TBC1D5: variants seen among roughly 807,000 people sequenced by gnomAD.
TBC1D5 encodes TBC1 domain family, member 5.
A neutral mutation model predicts 100.3 loss-of-function variants in TBC1D5; 75 were observed. That is an observed-to-expected ratio of 0.75 (90% CI 0.62 to 0.91). The LOEUF (loss-of-function observed/expected upper bound fraction) is 0.91. Ranked by LOEUF, TBC1D5 falls within the 40% of genes least tolerant of loss-of-function variation. The pLI is 0.00. For synonymous variants in TBC1D5, 323 were observed against 325.6 expected, an observed-to-expected ratio of 0.99 and a Z score of 0.09; for missense variants, 910 against 942.4, an observed-to-expected ratio of 0.97 and a Z score of 0.45.
rs996914712 is a variant in TBC1D5 at position 17,365,168 on chromosome 3, A to C, written c.995+6907T>G. ...TGCTTTCAGTTATTTAGACTTAATC[A>C]TATCTTACTGGTTACATTGCTTTCC... is the stretch of plus-strand genomic sequence containing the variant. On this transcript the variant is annotated intron_variant, in intron 13 of 21. Transcript: ENST00000253692. 3.3e-5 allele frequency among the ~76,000 whole-genome samples: 5 copies of C among 152,134 alleles called. No individual in the cohort carries two copies. The South Asian group carries it at 1.0e-3, about 32-fold the overall frequency.
At chr3:17,516,020 C>T (rs1475292444) in intron 2 of TBC1D5, among the ~76,000 whole-genome samples, 2 of 152,168 alleles carry the variant, frequency 1.3e-5, no homozygotes, top group African/African-American at 2.4e-5. Context: ...TGAGGGAAGG[C>T]CAGCAGCTAA....
intron 3 of TBC1D5, among the ~76,000 whole-genome samples, chr3:17,480,097 G>A (rs1028143985): frequency 7.2e-5 from 11 of 152,194 alleles, no homozygotes; most frequent in African/African-American, 2.7e-4. Context: ...GCACTATTAC[G>A]ACCCAGCTGG....
chr3:17,569,826 C>A (rs73160967), intron 2 of TBC1D5, among the ~76,000 whole-genome samples: 10,944 of 151,354 alleles, frequency 0.072, 825 homozygotes, highest in African/African-American at 0.19. Context: ...CAATAAATAT[C>A]ATTTTCATCT....
chr3:17,244,073 A>G (rs2076528783), intron 16 of TBC1D5, among the ~76,000 whole-genome samples: 1 of 151,908 alleles, frequency 6.6e-6, no homozygotes, highest in Non-Finnish European at 1.5e-5. Flanking sequence ...GAGATGAGTT[A>G]CAAAAGTTAA....
intron 1 of TBC1D5, among the ~76,000 whole-genome samples, chr3:17,724,075 C>CTTTT (rs969049204): frequency 1.5e-5 from 2 of 131,044 alleles, no homozygotes; most frequent in Admixed American, 7.7e-5. Context: ...CGATTGGCAA[C>CTTTT]TTTTTTTTTT....
At chr3:17,528,530 T>C (rs1280997389) in intron 2 of TBC1D5, among the ~76,000 whole-genome samples, 3 of 152,180 alleles carry the variant, frequency 2.0e-5, no homozygotes, top group African/African-American at 7.2e-5. Context: ...TTGTAAATTA[T>C]CCAGTCTCTG....
intron 2 of TBC1D5, among the ~76,000 whole-genome samples, chr3:17,592,960 G>A (rs907540821): frequency 3.9e-5 from 6 of 152,196 alleles, no homozygotes; most frequent in Non-Finnish European, 8.8e-5. Flanking sequence ...TGAACTGGGT[G>A]CTTTCTGACT....
At chr3:17,376,481 G>T in intron 10 of TBC1D5, 44 bp downstream of exon 10, 1 of 1,537,352 alleles carries the variant, frequency 6.5e-7, no homozygotes, top group South Asian at 1.2e-5. Context: ...GGTTACCGTG[G>T]GGGCTAAAAA....
At chr3:17,279,222 G>C (rs138520914) in intron 15 of TBC1D5, among the ~76,000 whole-genome samples, 1 of 152,258 alleles carries the variant, frequency 6.6e-6, no homozygotes, top group Admixed American at 6.5e-5. Context: ...TCGTTAGCTG[G>C]AGATATCTAG....
chr3:17,529,649 A>T (rs866759803), intron 2 of TBC1D5, among the ~76,000 whole-genome samples: 19 of 134,626 alleles, frequency 1.4e-4, no homozygotes, highest in African/African-American at 3.1e-4. Context: ...TATTATTATT[A>T]TTTTTATTTT....
exon 21 of TBC1D5, chr3:17,166,922 C>T (rs763363911): frequency 6.3e-7 from 1 of 1,597,376 alleles, no homozygotes; most frequent in Non-Finnish European, 8.5e-7. Flanking sequence ...TTTAGAATGT[C>T]TTTGATCTAT....
intron 16 of TBC1D5, 66 bp from the exon 17 acceptor site, chr3:17,238,485 T>C: frequency 9.8e-6 from 15 of 1,535,250 alleles, no homozygotes; most frequent in Non-Finnish European, 1.3e-5. Context: ...ACATAATTAA[T>C]TGGTATAAAA....
intron 13 of TBC1D5, among the ~76,000 whole-genome samples, chr3:17,321,415 AAC>A (rs1361187136): frequency 6.6e-6 from 1 of 152,218 alleles, no homozygotes; most frequent in Non-Finnish European, 1.5e-5. Flanking sequence ...TCCAAAAGGA[AAC>A]ACTTATCAAT....
chr3:17,618,540 G>C (rs2062379332), intron 2 of TBC1D5, among the ~76,000 whole-genome samples: 1 of 152,230 alleles, frequency 6.6e-6, no homozygotes, highest in African/African-American at 2.4e-5. Context: ...AACTTGCTGA[G>C]CTGCACTGGG....
At chr3:17,658,767 A>G (rs2066353590) in intron 1 of TBC1D5, among the ~76,000 whole-genome samples, 1 of 152,124 alleles carries the variant, frequency 6.6e-6, no homozygotes, top group African/African-American at 2.4e-5. Flanking sequence ...GATTCAAGCG[A>G]TTCTCGTGCC....
intron 18 of TBC1D5, among the ~76,000 whole-genome samples, chr3:17,200,052 A>G (rs1212152443): frequency 2.4e-5 from 3 of 124,296 alleles, no homozygotes; most frequent in Admixed American, 1.5e-4. Flanking sequence ...CCTTTTCACA[A>G]TTGTTTTTCA....
intron 4 of TBC1D5, among the ~76,000 whole-genome samples, chr3:17,421,995 A>G (rs1328120047): frequency 6.6e-6 from 1 of 152,230 alleles, no homozygotes; most frequent in Non-Finnish European, 1.5e-5. Flanking sequence ...CTACTTATTA[A>G]GCTATGAAAC....
At chr3:17,161,339 C>T in intron 21 of TBC1D5, 83 bp from the exon 23 acceptor site, 2 of 1,468,932 alleles carry the variant, frequency 1.4e-6, no homozygotes, top group East Asian at 4.6e-5. Flanking sequence ...AACTGGGGGA[C>T]TCGTGGTGGA....
intron 2 of TBC1D5, among the ~76,000 whole-genome samples, chr3:17,557,006 C>T (rs1053891473): frequency 2.0e-5 from 3 of 152,126 alleles, no homozygotes; most frequent in African/African-American, 7.2e-5. Context: ...AAATTCATGT[C>T]ACACAACCTA....
Sources: allele counts gnomAD v4.1 joint callset (sites outside exome capture counted in the v4.1 genomes callset), GRCh38; gene constraint gnomAD v4.1.1; transcripts MANE v1.5; gene names NCBI Gene and HGNC (gene_info 2026-07-23, HGNC 2026-07-21).